The following CXCL13 variants were observed in gnomAD, a reference collection of about 807,000 sequenced individuals.
CXCL13 encodes C-X-C motif chemokine ligand 13.
CXCL13 carries 7 observed loss-of-function variants against 12.2 expected under a neutral mutation model. The ratio of observed to expected loss-of-function variants is 0.57; its 90% CI spans 0.33 to 1.07. CXCL13 has a LOEUF of 1.07. Ranked by LOEUF, CXCL13 falls within the 50% of genes least tolerant of loss-of-function variation. The pLI, the probability that CXCL13 is intolerant of heterozygous loss-of-function variation, is 0.04. For synonymous variants in CXCL13, 47 were observed against 42.4 expected (o/e 1.11, Z -0.42); for missense variants, 113 against 127.4 (o/e 0.89, Z 0.55).
intron 1 of CXCL13, among the ~76,000 whole-genome samples, chr4:77,579,242 T>C (rs970327913): frequency 6.6e-6 from 1 of 152,208 alleles, no homozygotes; most frequent in African/African-American, 2.4e-5. Flanking sequence ...TTCTAACTAA[T>C]GTCAATTTAT....
At chr4:77,610,865 G>A in intron 3 of CXCL13, 123 bp from the exon 4 acceptor site, 1 of 942,178 alleles carries the variant, frequency 1.1e-6, no homozygotes, top group Non-Finnish European at 1.7e-6. Flanking sequence ...CATTCCAGCA[G>A]CTCAGTAAAC....
chr4:77,546,635 A>G (rs376834376), intron 1 of CXCL13, among the ~76,000 whole-genome samples: 8 of 151,030 alleles, frequency 5.3e-5, no homozygotes, highest in East Asian at 1.9e-4. Context: ...ATTCTTCTCT[A>G]TTTTCTTTAT....
At chr4:77,530,237 C>CT (rs1724872464) in intron 1 of CXCL13, among the ~76,000 whole-genome samples, 2 of 152,020 alleles carry the variant, frequency 1.3e-5, no homozygotes, top group Admixed American at 1.3e-4. Flanking sequence ...CTAAAATTCT[C>CT]TTTTTTTGTT....
intron 1 of CXCL13, among the ~76,000 whole-genome samples, chr4:77,531,982 C>T (rs1228803183): frequency 1.3e-5 from 2 of 152,088 alleles, no homozygotes; most frequent in East Asian, 1.9e-4. Context: ...CACACTGACG[C>T]GTCTTGACTC....
intron 1 of CXCL13, among the ~76,000 whole-genome samples, chr4:77,586,544 C>A (rs17002725): frequency 1.3e-5 from 2 of 152,056 alleles, no homozygotes; most frequent in African/African-American, 4.8e-5. Flanking sequence ...ACTGTGCCCA[C>A]GAGGACAAGT....
At chr4:77,573,196 A>G (rs1347178451) in intron 1 of CXCL13, among the ~76,000 whole-genome samples, 2 of 151,922 alleles carry the variant, frequency 1.3e-5, no homozygotes, top group Admixed American at 6.5e-5. Context: ...ACACAAGTTT[A>G]CCTATGTAAC....
chr4:77,594,755 G>A (rs1726706760), intron 1 of CXCL13, among the ~76,000 whole-genome samples: 1 of 152,154 alleles, frequency 6.6e-6, no homozygotes, highest in Admixed American at 6.5e-5. Context: ...GGCCTGTCGG[G>A]GTAGGAGGCT....
intron 1 of CXCL13, among the ~76,000 whole-genome samples, chr4:77,567,816 G>A (rs2650921): frequency 0.26 from 39,536 of 152,018 alleles, 5,215 homozygotes; most frequent in East Asian, 0.36. Flanking sequence ...TCAGTTCCTG[G>A]AATTCCCCAC....
chr4:77,606,040 A>G (rs1726996404), intron 1 of CXCL13, 111 bp downstream of exon 1: 1 of 598,886 alleles, frequency 1.7e-6, no homozygotes, highest in Non-Finnish European at 2.9e-6. Context: ...GGGGGAAAAA[A>G]CTGCTCTGTT....
Position 77,610,778 on chromosome 4 carries a change from C to T in CXCL13, c.278+84C>T, listed in dbSNP as rs17002743. 0.02 allele frequency: 21,392 copies of T among 1,081,404 alleles called. 2,181 individuals are homozygous for T. The African/African-American group carries it at 0.25, about 13-fold the overall frequency. 67.0% of individuals were successfully genotyped at this position (1,081,404 alleles called of 1,614,324 possible). On this transcript the variant is annotated intron_variant, in intron 3 of 3. Coordinates refer to ENST00000682537, the MANE Select transcript of CXCL13 (RefSeq NM_001371558.1). Reference sequence around the variant, plus strand: ...CCTGGGCAGTCAAAATAGGGACTAGCTTGAATTTATGAGAAGTTCCTAAGA... The same window carrying T: ...CCTGGGCAGTCAAAATAGGGACTAGTTTGAATTTATGAGAAGTTCCTAAGA...
At chr4:77,562,038 G>C (rs1560526724) in intron 1 of CXCL13, among the ~76,000 whole-genome samples, 1 of 152,144 alleles carries the variant, frequency 6.6e-6, no homozygotes, top group Non-Finnish European at 1.5e-5. Flanking sequence ...GGTGCGCCGG[G>C]TCCCCCAGCA....
chr4:77,561,404 G>A (rs113711529), intron 1 of CXCL13, among the ~76,000 whole-genome samples: 363 of 152,306 alleles, frequency 2.4e-3, no homozygotes, highest in Middle Eastern at 6.8e-3. Flanking sequence ...CTCCATTAGT[G>A]CCTACCATGG....
intron 1 of CXCL13, among the ~76,000 whole-genome samples, chr4:77,546,778 C>T (rs1725378111): frequency 1.3e-5 from 2 of 152,114 alleles, no homozygotes; most frequent in African/African-American, 4.8e-5. Flanking sequence ...TTGCCTTCTG[C>T]TAGCTTTTGA....
At chr4:77,513,868 A>G (rs1724336971) in intron 1 of CXCL13, among the ~76,000 whole-genome samples, 1 of 150,312 alleles carries the variant, frequency 6.7e-6, no homozygotes, top group South Asian at 2.1e-4. Context: ...GGTTAGTTAC[A>G]TATGTATACA....
rs545957651 is a variant in CXCL13, at chr4:77,571,023, G to A, written c.-42-34801G>A. Among the ~76,000 whole-genome samples, 208 of 152,128 alleles carry A rather than the reference G, an allele frequency of 1.4e-3. 4 individuals are homozygous for A. In the South Asian group the frequency reaches 0.016, roughly 12 times the overall value. Reference sequence around the variant, plus strand: ...CTGCTCCACGGTGCCCAGTCCCATCGGCCACCCAAGGCCTGAGGAGTGTGA... The same window carrying A: ...CTGCTCCACGGTGCCCAGTCCCATCAGCCACCCAAGGCCTGAGGAGTGTGA... On this transcript the variant is annotated intron_variant, in intron 1 of 4. Transcript: ENST00000286758.
intron 1 of CXCL13, among the ~76,000 whole-genome samples, chr4:77,512,457 G>T (rs1724299860): frequency 6.6e-6 from 1 of 152,210 alleles, no homozygotes; most frequent in Admixed American, 6.5e-5. Flanking sequence ...CTGGAGGCTA[G>T]AAATCCAAGA....
chr4:77,608,626 A>C (rs900673722), intron 2 of CXCL13, among the ~76,000 whole-genome samples: 1 of 152,170 alleles, frequency 6.6e-6, no homozygotes, highest in African/African-American at 2.4e-5. Context: ...CAATGTTTGT[A>C]AGCAGCTACT....
chr4:77,556,517 C>A (rs1457138121), intron 1 of CXCL13, among the ~76,000 whole-genome samples: 1 of 151,942 alleles, frequency 6.6e-6, no homozygotes, highest in Non-Finnish European at 1.5e-5. Flanking sequence ...ATAGCTTGAT[C>A]GGGGTGGTAG....
chr4:77,523,157 C>G (rs1033915320), intron 1 of CXCL13, among the ~76,000 whole-genome samples: 5 of 152,142 alleles, frequency 3.3e-5, no homozygotes, highest in African/African-American at 1.2e-4. Flanking sequence ...TCCATCATTT[C>G]AACCTTGGTG....
Sources: gnomAD v4.1 joint callset for allele counts (sites outside exome capture counted in the v4.1 genomes callset) on GRCh38, gnomAD v4.1.1 for gene constraint, MANE v1.5 for transcripts, NCBI Gene and HGNC (gene_info 2026-07-23, HGNC 2026-07-21) for gene names.